PLCB1: variants seen among roughly 807,000 people sequenced by gnomAD.
PLCB1 encodes phospholipase C beta 1.
PLCB1 carries 46 observed loss-of-function variants against 161.8 expected under a neutral mutation model. The ratio of observed to expected loss-of-function variants is 0.28; its 90% CI spans 0.22 to 0.36. The LOEUF (loss-of-function observed/expected upper bound fraction) is 0.36, where lower values mean the gene tolerates loss of function less well. Ranked by LOEUF, PLCB1 falls within the 10% of genes least tolerant of loss-of-function variation. The probability of loss-of-function intolerance (pLI) is 1.00; values close to 1 mark genes in which losing one functional copy is unlikely to be tolerated. For missense variants in PLCB1, 1,016 were observed against 1,472.5 expected, an observed-to-expected ratio of 0.69 and a Z score of 5.07; for synonymous variants, 517 against 503.7, an observed-to-expected ratio of 1.03 and a Z score of -0.35.
chr20:8,258,364 T>C (rs1028699105), intron 2 of PLCB1, among the ~76,000 whole-genome samples: 3 of 152,194 alleles, frequency 2.0e-5, no homozygotes, highest in African/African-American at 7.2e-5. Context: ...GGAGCCTGCC[T>C]GGAGAACAGG....
intron 2 of PLCB1, among the ~76,000 whole-genome samples, chr20:8,299,288 G>A (rs1378825763): frequency 1.3e-5 from 2 of 152,094 alleles, no homozygotes; most frequent in Non-Finnish European, 2.9e-5. Flanking sequence ...CAATAATTAT[G>A]CTGTAAAACA....
At chr20:8,206,565 T>C (rs965196601) in intron 2 of PLCB1, among the ~76,000 whole-genome samples, 18 of 152,262 alleles carry the variant, frequency 1.2e-4, no homozygotes, top group Non-Finnish European at 1.3e-4. Flanking sequence ...TGGACCTGCA[T>C]CTAGATTTGC....
At chr20:8,702,228 A>G (rs899179610) in intron 11 of PLCB1, among the ~76,000 whole-genome samples, 2 of 152,132 alleles carry the variant, frequency 1.3e-5, no homozygotes, top group African/African-American at 2.4e-5. Flanking sequence ...ATCTGTTTCA[A>G]TGCCTCATCA....
At chr20:8,380,045 A>G (rs1987213124) in intron 3 of PLCB1, among the ~76,000 whole-genome samples, 1 of 152,112 alleles carries the variant, frequency 6.6e-6, no homozygotes, top group South Asian at 2.1e-4. Flanking sequence ...GCACATACCT[A>G]TGTCCTGAAT....
intron 31 of PLCB1, among the ~76,000 whole-genome samples, chr20:8,811,150 T>C (rs56131684): frequency 0.046 from 7,034 of 151,724 alleles, 370 homozygotes; most frequent in South Asian, 0.2. Context: ...TACAGGAGAG[T>C]CTTCTTTGGT....
intron 4 of PLCB1, among the ~76,000 whole-genome samples, chr20:8,637,171 A>G (rs959470531): frequency 6.6e-6 from 1 of 152,316 alleles, no homozygotes; most frequent in African/African-American, 2.4e-5. Context: ...TGAGAAAGGC[A>G]GGTTGATCTG....
At chr20:8,244,386 G>A (rs889351702) in intron 2 of PLCB1, among the ~76,000 whole-genome samples, 1 of 151,812 alleles carries the variant, frequency 6.6e-6, no homozygotes, top group African/African-American at 2.4e-5. Context: ...TCACAAAATA[G>A]AATACTGTTC....
chr20:8,506,907 T>G (rs1189512348), intron 3 of PLCB1, among the ~76,000 whole-genome samples: 1 of 152,112 alleles, frequency 6.6e-6, no homozygotes, highest in Non-Finnish European at 1.5e-5. Flanking sequence ...AGTAGAACCT[T>G]GAACAAAATA....
At chr20:8,196,875 G>A (rs1459197286) in intron 2 of PLCB1, among the ~76,000 whole-genome samples, 3 of 151,028 alleles carry the variant, frequency 2.0e-5, no homozygotes. Context: ...GTGTCCAAGT[G>A]TTCTCATTGT....
At chr20:8,668,467 G>T (rs1192246050) in intron 9 of PLCB1, among the ~76,000 whole-genome samples, 5 of 152,128 alleles carry the variant, frequency 3.3e-5, no homozygotes, top group African/African-American at 1.2e-4. Flanking sequence ...TGTAGAAAAT[G>T]AGCCCAAAAA....
intron 2 of PLCB1, among the ~76,000 whole-genome samples, chr20:8,315,107 T>C (rs1240510230): frequency 6.6e-6 from 1 of 152,092 alleles, no homozygotes; most frequent in Non-Finnish European, 1.5e-5. Flanking sequence ...GAGCCAGACC[T>C]TAGGAGAACA....
intron 7 of PLCB1, chr20:8,650,011 A>G (rs747007579): frequency 4.6e-5 from 7 of 152,296 alleles, no homozygotes; most frequent in African/African-American, 7.2e-5. Context: ...TTTCACTCCT[A>G]TAACCCCAGT....
intron 3 of PLCB1, among the ~76,000 whole-genome samples, chr20:8,460,094 A>G (rs1366529382): frequency 1.3e-5 from 2 of 152,188 alleles, no homozygotes; most frequent in Non-Finnish European, 2.9e-5. Flanking sequence ...TTCAAAAATG[A>G]TTCTACTAAA....
At chr20:8,793,698 C>T (rs1463887294) in intron 31 of PLCB1, among the ~76,000 whole-genome samples, 5 of 152,158 alleles carry the variant, frequency 3.3e-5, no homozygotes, top group Non-Finnish European at 7.4e-5. Context: ...GACCACAGGA[C>T]CACAGGACCG....
At chr20:8,447,971 C>T (rs922432496) in intron 3 of PLCB1, among the ~76,000 whole-genome samples, 9 of 152,238 alleles carry the variant, frequency 5.9e-5, no homozygotes, top group African/African-American at 2.2e-4. Flanking sequence ...AAATCAGGCC[C>T]TTGGCAAAGG....
chr20:8,641,519 C>T (rs1034794991), intron 4 of PLCB1, among the ~76,000 whole-genome samples: 10 of 152,230 alleles, frequency 6.6e-5, no homozygotes, highest in Admixed American at 2.6e-4. Context: ...TGCTTTCCCA[C>T]AGGACTCCTA....
chr20:8,713,928 G>T (rs1419016073), intron 12 of PLCB1, among the ~76,000 whole-genome samples: 1 of 152,064 alleles, frequency 6.6e-6, no homozygotes, highest in Non-Finnish European at 1.5e-5. Flanking sequence ...GGATATTTGG[G>T]ACATCTCCCT....
intron 2 of PLCB1, among the ~76,000 whole-genome samples, chr20:8,234,654 C>T (rs1980231045): frequency 6.6e-6 from 1 of 152,078 alleles, no homozygotes; most frequent in Admixed American, 6.6e-5. Context: ...ACATGAAATT[C>T]TGTGTTTGAA....
At chr20:8,767,879 T>A (rs939682586) in intron 26 of PLCB1, among the ~76,000 whole-genome samples, 8 of 152,170 alleles carry the variant, frequency 5.3e-5, no homozygotes, top group Non-Finnish European at 1.2e-4. Context: ...TTTTGGAGGC[T>A]AGGAATTCAA....
Sources: gnomAD v4.1 joint callset for allele counts (sites outside exome capture counted in the v4.1 genomes callset) on GRCh38, gnomAD v4.1.1 for gene constraint, MANE v1.5 for transcripts, NCBI Gene and HGNC (gene_info 2026-07-23, HGNC 2026-07-21) for gene names.